Variants in CCDC171 observed in about 807,000 individuals in gnomAD.
The protein encoded by CCDC171 is coiled-coil domain containing 171.
In CCDC171, 177 loss-of-function variants were observed where a neutral mutation model predicts 168.2. The ratio of observed to expected loss-of-function variants is 1.05; its 90% CI spans 0.93 to 1.19. The LOEUF is 1.19. Among genes scored for constraint, CCDC171 ranks in the 50% most tolerant of loss-of-function variants. The pLI is 0.00. For missense variants in CCDC171, 1,991 were observed against 1,539.0 expected, an observed-to-expected ratio of 1.29 and a Z score of -4.91; for synonymous variants, 687 against 540.8, an observed-to-expected ratio of 1.27 and a Z score of -3.75.
rs114512883 is a variant in CCDC171 at position 15,980,085 on chromosome 9, T to G, written n.369-40504T>G. The stretch of plus-strand genomic sequence containing the variant: ...AGGACTTGAGAATAACTGAAGGGAA[T>G]TCTATCATAGAGAGTAAAAATATTA... On this transcript the variant is annotated intron_variant and non_coding_transcript_variant, in intron 3 of 9. Transcript: ENST00000486641. Among the ~76,000 whole-genome samples, 1,379 of 152,254 alleles carry G rather than the reference T, an allele frequency of 9.1e-3. 19 individuals carry two copies. Among genetic ancestry groups the G allele is most frequent in the African/African-American group, 0.031 (1,302 of 41,552 alleles).
chr9:15,745,072 A>T (rs866045959), intron 17 of CCDC171, among the ~76,000 whole-genome samples: 5 of 152,164 alleles, frequency 3.3e-5, no homozygotes, highest in Non-Finnish European at 7.3e-5. Context: ...TTATACAGTG[A>T]TTTTTCAGTT....
intron 1 of CCDC171, among the ~76,000 whole-genome samples, chr9:15,556,061 A>G (rs1216967064): frequency 5.9e-5 from 9 of 151,948 alleles, no homozygotes; most frequent in Admixed American, 5.9e-4. Context: ...TATGTGCCAC[A>G]TTTTCTTAAT....
intron 21 of CCDC171, among the ~76,000 whole-genome samples, chr9:15,788,071 G>T (rs1379450565): frequency 6.6e-6 from 1 of 152,112 alleles, no homozygotes; most frequent in African/African-American, 2.4e-5. Context: ...CTTAAATATT[G>T]TTGTCAGGAA....
At chr9:15,717,155 G>C (rs1203562613) in intron 11 of CCDC171, among the ~76,000 whole-genome samples, 1 of 152,230 alleles carries the variant, frequency 6.6e-6, no homozygotes, top group Non-Finnish European at 1.5e-5. Context: ...CGGCTATGTG[G>C]TGGGGGGAAT....
chr9:16,007,375 T>C (rs541031187), intron 3 of CCDC171, among the ~76,000 whole-genome samples: 59 of 152,338 alleles, frequency 3.9e-4, no homozygotes, highest in African/African-American at 1.4e-3. Flanking sequence ...TCTCCCATTC[T>C]GTAGGTTGCC....
intron 10 of CCDC171, among the ~76,000 whole-genome samples, chr9:15,693,786 A>C (rs2051005732): frequency 1.3e-5 from 2 of 152,196 alleles, no homozygotes; most frequent in South Asian, 4.1e-4. Context: ...AATGTGCTTA[A>C]GTTTCTCATA....
At chr9:15,633,444 C>T (rs1271325357) in intron 7 of CCDC171, among the ~76,000 whole-genome samples, 1 of 152,168 alleles carries the variant, frequency 6.6e-6, no homozygotes, top group Non-Finnish European at 1.5e-5. Context: ...CACTGGCCAT[C>T]AGAGAAATGC....
At chr9:15,628,668 A>G (rs2045389437) in intron 7 of CCDC171, among the ~76,000 whole-genome samples, 1 of 152,226 alleles carries the variant, frequency 6.6e-6, no homozygotes, top group African/African-American at 2.4e-5. Context: ...ACAGCTTTGA[A>G]GAGAGCAGCG....
chr9:15,984,686 A>G (rs558571880), intron 3 of CCDC171, among the ~76,000 whole-genome samples: 2 of 152,266 alleles, frequency 1.3e-5, no homozygotes, highest in East Asian at 3.9e-4. Flanking sequence ...GGTTTTATAG[A>G]ATATTTATCA....
chr9:15,588,883 A>AT (rs1343750834), intron 4 of CCDC171, among the ~76,000 whole-genome samples: 1,934 of 150,616 alleles, frequency 0.013, 39 homozygotes, highest in African/African-American at 0.043. Flanking sequence ...AATTTTTTGT[A>AT]TTTGTTTTGG....
intron 18 of CCDC171, among the ~76,000 whole-genome samples, chr9:15,745,883 C>T (rs2134682159): frequency 1.3e-5 from 2 of 151,612 alleles, no homozygotes; most frequent in Middle Eastern, 6.8e-3. Flanking sequence ...ATCTGTTTTT[C>T]CTATGGAAAG....
chr9:15,719,619 T>C (rs541798507), intron 11 of CCDC171, among the ~76,000 whole-genome samples: 1 of 152,324 alleles, frequency 6.6e-6, no homozygotes, highest in African/African-American at 2.4e-5. Context: ...GTACTTCAAC[T>C]AAACTTTATT....
Position 15,962,425 on chromosome 9 carries a change from A to G in CCDC171, c.3754-9184A>G, listed in dbSNP as rs547916737. Among the ~76,000 whole-genome samples the G allele has an allele frequency of 1.1e-3, 169 of 152,328 alleles. 1 individual carries two copies. The highest frequency in any genetic ancestry group is 4.0e-3 in the African/African-American group (166 of 41,580). On this transcript the variant is annotated intron_variant, in intron 25 of 25. Transcript: ENST00000380701. ...ATCATAAATGGAATTGTTGGATCAA[A>G]TGGCATTAAGCATTTAAGACAGTTG...
intron 8 of CCDC171, among the ~76,000 whole-genome samples, chr9:15,665,394 C>G (rs1237823598): frequency 6.6e-6 from 1 of 152,154 alleles, no homozygotes; most frequent in Non-Finnish European, 1.5e-5. Context: ...TAAGAAATCT[C>G]AGGAATAAAA....
intron 18 of CCDC171, among the ~76,000 whole-genome samples, chr9:15,748,391 A>C (rs2055453398): frequency 6.6e-6 from 1 of 152,218 alleles, no homozygotes; most frequent in African/African-American, 2.4e-5. Context: ...CAAGTTAGAA[A>C]ACGCTTTTCA....
the CCDC171 span, among the ~76,000 whole-genome samples, chr9:16,074,499 A>G: frequency 6.6e-6 from 1 of 152,212 alleles, no homozygotes; most frequent in African/African-American, 2.4e-5. Flanking sequence ...CTAGAAGTAC[A>G]TTGGTGACCA....
chr9:16,071,413 C>T, the CCDC171 span, among the ~76,000 whole-genome samples: 1 of 152,210 alleles, frequency 6.6e-6, no homozygotes, highest in Non-Finnish European at 1.5e-5. Context: ...AGCCCTCGAC[C>T]TTCAGTGTTT....
At chr9:15,914,023 C>G (rs1201677320) in intron 24 of CCDC171, among the ~76,000 whole-genome samples, 1 of 152,204 alleles carries the variant, frequency 6.6e-6, no homozygotes, top group Non-Finnish European at 1.5e-5. Context: ...GAAGCTTCGT[C>G]CCAGAGGGAC....
At chr9:15,842,741 C>T (rs2060733862) in intron 21 of CCDC171, among the ~76,000 whole-genome samples, 1 of 151,678 alleles carries the variant, frequency 6.6e-6, no homozygotes, top group South Asian at 2.1e-4. Flanking sequence ...TTTCATTGCA[C>T]AAAATGTTTT....
Sources: allele counts gnomAD v4.1 joint callset (sites outside exome capture counted in the v4.1 genomes callset), GRCh38; gene constraint gnomAD v4.1.1; transcripts MANE v1.5; gene names NCBI Gene and HGNC (gene_info 2026-07-23, HGNC 2026-07-21).